The following TMEM132C variants were observed in gnomAD, a reference collection of about 807,000 sequenced individuals.
TMEM132C encodes protein phosphatase 1, regulatory subunit 152.
In TMEM132C, 29 loss-of-function variants were observed where a neutral mutation model predicts 61.4. That is an observed-to-expected ratio of 0.47 (90% confidence interval 0.35 to 0.64). The LOEUF (loss-of-function observed/expected upper bound fraction) is 0.64. Ranked by LOEUF, TMEM132C falls within the 30% of genes least tolerant of loss-of-function variation. The probability of loss-of-function intolerance (pLI) is 0.00; values close to 1 mark genes in which losing one functional copy is unlikely to be tolerated. For synonymous variants in TMEM132C, 656 were observed against 633.1 expected (o/e 1.04, Z -0.54); for missense variants, 1,408 against 1,476.9 (o/e 0.95, Z 0.76).
chr12:128,656,050 GT>G (rs1156404613), intron 4 of TMEM132C, among the ~76,000 whole-genome samples: 1 of 152,010 alleles, frequency 6.6e-6, no homozygotes, highest in Admixed American at 6.6e-5. Context: ...ATGGCTTTTT[GT>G]TTGTTTGTTT....
intron 3 of TMEM132C, among the ~76,000 whole-genome samples, chr12:128,573,591 T>TA (rs1253384327): frequency 6.6e-6 from 1 of 151,446 alleles, no homozygotes; most frequent in Non-Finnish European, 1.5e-5. Context: ...CCCTAGAGCT[T>TA]AAAGTATAAT....
intron 1 of TMEM132C, among the ~76,000 whole-genome samples, chr12:128,413,936 A>G (rs1306282936): frequency 6.6e-6 from 1 of 152,246 alleles, no homozygotes; most frequent in East Asian, 1.9e-4. Flanking sequence ...CCCAGGTTAT[A>G]GAGGAATTCA....
At chr12:128,343,068 C>T (rs1873030212) in intron 1 of TMEM132C, among the ~76,000 whole-genome samples, 1 of 152,204 alleles carries the variant, frequency 6.6e-6, no homozygotes, top group Admixed American at 6.5e-5. Context: ...GTGACAGATG[C>T]TGCCAGGTGG....
At chr12:128,544,269 CCTCTGCAGCAGGGCGGGGTGGGGCGCTCG>C (rs1393197914) in intron 3 of TMEM132C, among the ~76,000 whole-genome samples, 166 bp downstream of exon 3, 1 of 152,258 alleles carries the variant, frequency 6.6e-6, no homozygotes, top group African/African-American at 2.4e-5. Flanking sequence ...GGACCCTCTG[CCTCTGCAGCAGGGCGGGGTGGGGCGCTCG>C]CTCTGCAGCG....
intron 4 of TMEM132C, among the ~76,000 whole-genome samples, chr12:128,662,551 G>A (rs1464196644): frequency 1.3e-5 from 2 of 152,140 alleles, no homozygotes; most frequent in African/African-American, 4.8e-5. Context: ...TCCTGCCCTG[G>A]GCTCGACATT....
intron 3 of TMEM132C, among the ~76,000 whole-genome samples, chr12:128,576,336 C>T (rs928685428): frequency 5.9e-5 from 9 of 152,090 alleles, no homozygotes; most frequent in Non-Finnish European, 1.3e-4. Context: ...CCTTCTCTCC[C>T]GAAGCCCTTA....
At chr12:128,367,891 A>G (rs1873915627) in intron 1 of TMEM132C, among the ~76,000 whole-genome samples, 1 of 152,172 alleles carries the variant, frequency 6.6e-6, no homozygotes, top group South Asian at 2.1e-4. Context: ...GAAATATACT[A>G]TTATATTTAG....
At chr12:128,318,182 A>C (rs1226988121) in intron 1 of TMEM132C, among the ~76,000 whole-genome samples, 1 of 152,210 alleles carries the variant, frequency 6.6e-6, no homozygotes, top group African/African-American at 2.4e-5. Context: ...AAAATACTGA[A>C]CTTGACTTGT....
intron 2 of TMEM132C, among the ~76,000 whole-genome samples, chr12:128,492,253 A>T (rs1186600773): frequency 6.6e-6 from 1 of 152,116 alleles, no homozygotes; most frequent in Non-Finnish European, 1.5e-5. Flanking sequence ...TCTATCATTG[A>T]TGGACATTTG....
intron 3 of TMEM132C, among the ~76,000 whole-genome samples, chr12:128,559,038 G>A (rs1874420883): frequency 6.6e-6 from 1 of 151,940 alleles, no homozygotes; most frequent in Non-Finnish European, 1.5e-5. Context: ...AGCCCCCAGA[G>A]GTGATCAACA....
chr12:128,568,027 G>T (rs1874760580), intron 3 of TMEM132C, among the ~76,000 whole-genome samples: 1 of 152,134 alleles, frequency 6.6e-6, no homozygotes, highest in Admixed American at 6.5e-5. Flanking sequence ...CTTCCTGAGG[G>T]GTGGACCTCA....
chr12:128,589,506 T>G (rs10744381), intron 3 of TMEM132C, among the ~76,000 whole-genome samples: 65,025 of 135,256 alleles, frequency 0.48, 15,914 homozygotes, highest in East Asian at 0.69. Flanking sequence ...CACCTCCCCC[T>G]CCCCACAGCC....
chr12:128,383,838 C>A (rs1357565362), intron 1 of TMEM132C, among the ~76,000 whole-genome samples: 1 of 152,138 alleles, frequency 6.6e-6, no homozygotes, highest in Admixed American at 6.5e-5. Context: ...TCCAGGAATC[C>A]TCGTAGTGTA....
rs77766034 is a variant in TMEM132C at position 128,586,207 on chromosome 12, T to C, written c.1122-29945T>C. On this transcript the variant is annotated intron_variant, in intron 3 of 8. Coordinates refer to ENST00000435159, the MANE Select transcript of TMEM132C (RefSeq NM_001136103.3). Reference sequence around the variant, plus strand: ...CTAAATTTTTGCATAATTTTTGTTATGTTTGAAAGTCTGCCACTGCATGCA... The same window carrying C: ...CTAAATTTTTGCATAATTTTTGTTACGTTTGAAAGTCTGCCACTGCATGCA... 2.9e-3 allele frequency among the ~76,000 whole-genome samples: 421 copies of C among 147,506 alleles called. 6 individuals are homozygous for C. Among genetic ancestry groups the C allele is most frequent in the African/African-American group, 0.011 (408 of 37,084 alleles).
chr12:128,417,059 G>A (rs918944540), intron 2 of TMEM132C, among the ~76,000 whole-genome samples: 4 of 152,092 alleles, frequency 2.6e-5, no homozygotes, highest in Non-Finnish European at 4.4e-5. Context: ...CTGAGGAGCC[G>A]GGAGAGTCAA....
intron 3 of TMEM132C, among the ~76,000 whole-genome samples, chr12:128,614,544 C>G (rs149796504): frequency 6.6e-6 from 1 of 152,260 alleles, no homozygotes; most frequent in African/African-American, 2.4e-5. Flanking sequence ...GAGCATTGGA[C>G]TCGGAAACAG....
intron 1 of TMEM132C, among the ~76,000 whole-genome samples, chr12:128,334,712 C>T (rs1293560905): frequency 6.6e-6 from 1 of 151,916 alleles, no homozygotes; most frequent in Non-Finnish European, 1.5e-5. Flanking sequence ...TCTCCGGCCT[C>T]AGCCTCCCGA....
At chr12:128,483,427 C>T (rs952720544) in intron 2 of TMEM132C, among the ~76,000 whole-genome samples, 1 of 151,464 alleles carries the variant, frequency 6.6e-6, no homozygotes, top group Non-Finnish European at 1.5e-5. Context: ...GGCTCCAGGG[C>T]TCCAGAAGAT....
At chr12:128,400,599 GTTTT>G (rs5801795) in intron 1 of TMEM132C, among the ~76,000 whole-genome samples, 1 of 140,780 alleles carries the variant, frequency 7.1e-6, no homozygotes. Flanking sequence ...CCATTCTTTT[GTTTT>G]TTTTTTTTTT....
Sources: allele counts gnomAD v4.1 joint callset (sites outside exome capture counted in the v4.1 genomes callset), GRCh38; gene constraint gnomAD v4.1.1; transcripts MANE v1.5; gene names NCBI Gene and HGNC (gene_info 2026-07-23, HGNC 2026-07-21).